Variants in ZNF146 observed in about 807,000 individuals in gnomAD.
ZNF146 encodes the protein zinc finger protein 146.
Under a neutral mutation model 22.2 loss-of-function variants are expected in ZNF146, and 9 were observed. The observed-to-expected ratio is 0.41, with a 90% confidence interval of 0.24 to 0.71. The LOEUF (loss-of-function observed/expected upper bound fraction) is 0.71, where lower values mean the gene tolerates loss of function less well. Among genes scored for constraint, ZNF146 ranks in the 30% least tolerant of loss-of-function variants. ZNF146 has a pLI of 0.34. For missense variants in ZNF146, 194 were observed against 344.8 expected (o/e 0.56, Z 3.46); for synonymous variants, 108 against 119.2 (o/e 0.91, Z 0.61).
chr19:36,236,556 CGA>C lies in ZNF146; in HGVS notation c.123_124del (p.Lys42ThrfsTer3). 1.2e-6 allele frequency: 2 copies of C among 1,614,068 alleles called. No homozygotes were observed. Among genetic ancestry groups the C allele is most frequent in the Non-Finnish European group, 1.7e-6 (2 of 1,180,000 alleles). On this transcript the variant is annotated frameshift_variant, in exon 4 of 4. Transcript: ENST00000443387. LOFTEE classifies it high-confidence loss of function. ...CTCACTGAGCATGAGCATTTTCACA[CGA>C]GAGAGAAACCTTTTGAATGTAACGA...
chr19:36,231,234 T>C (rs1345051107), intron 3 of ZNF146, among the ~76,000 whole-genome samples: 1 of 152,016 alleles, frequency 6.6e-6, no homozygotes, highest in Non-Finnish European at 1.5e-5. Flanking sequence ...TTTTGAGACA[T>C]AGTTTCACTC....
upstream of ZNF146, chr19:36,214,927 C>T (rs986006241): frequency 6.5e-6 from 1 of 152,716 alleles, no homozygotes; most frequent in African/African-American, 2.4e-5. Context: ...CGGCCAAGTT[C>T]GCGGGGGGAG....
chr19:36,221,764 C>T (rs796735732), intron 2 of ZNF146, among the ~76,000 whole-genome samples: 2 of 151,602 alleles, frequency 1.3e-5, no homozygotes, highest in African/African-American at 4.8e-5. Context: ...CTTGTTTATC[C>T]TTCAAGTGGG....
chr19:36,233,516 C>T (rs1298921193), intron 3 of ZNF146, among the ~76,000 whole-genome samples: 3 of 152,036 alleles, frequency 2.0e-5, no homozygotes, highest in Non-Finnish European at 4.4e-5. Context: ...CTCAAGAGGA[C>T]CGGCCTCTTG....
chr19:36,225,686 C>G (rs1249556924), intron 2 of ZNF146, among the ~76,000 whole-genome samples: 1 of 151,644 alleles, frequency 6.6e-6, no homozygotes, highest in East Asian at 1.9e-4. Context: ...AGTCTACCCA[C>G]CTCAGTGTCT....
At chr19:36,232,326 C>T (rs985136540) in intron 3 of ZNF146, among the ~76,000 whole-genome samples, 4 of 151,700 alleles carry the variant, frequency 2.6e-5, no homozygotes, top group African/African-American at 4.8e-5. Flanking sequence ...CTTATATAAA[C>T]TTGAATTCAG....
At chr19:36,225,632 T>C (rs570476087) in intron 2 of ZNF146, among the ~76,000 whole-genome samples, 1 of 152,042 alleles carries the variant, frequency 6.6e-6, no homozygotes, top group East Asian at 1.9e-4. Context: ...TTTGTATTTT[T>C]TTTTAGTGCT....
At chr19:36,219,750 G>A (rs141387530) in intron 2 of ZNF146, among the ~76,000 whole-genome samples, 45 of 152,122 alleles carry the variant, frequency 3.0e-4, no homozygotes, top group African/African-American at 8.4e-4. Flanking sequence ...GTAAAGTGAT[G>A]ATTTTCTGTT....
intron 3 of ZNF146, among the ~76,000 whole-genome samples, chr19:36,229,532 C>T (rs1049598245): frequency 2.0e-5 from 3 of 152,058 alleles, no homozygotes; most frequent in African/African-American, 7.2e-5. Flanking sequence ...GTTGTGGTCA[C>T]GTTTACGCGT....
chr19:36,235,136 G>A (rs1353884307), intron 3 of ZNF146, among the ~76,000 whole-genome samples: 1 of 151,436 alleles, frequency 6.6e-6, no homozygotes, highest in African/African-American at 2.4e-5. Context: ...TTGAACCCAG[G>A]AGGCGGAGGC....
Position 36,236,397 on chromosome 19 carries a change from T to C in ZNF146, c.-44T>C. Reference sequence around the variant, plus strand: ...TAAATCCTCACTCATCAAGAAATTTTTACTGGAGAGAAACCTTGTGAATGT... The same window carrying C: ...TAAATCCTCACTCATCAAGAAATTTCTACTGGAGAGAAACCTTGTGAATGT... On this transcript the variant is annotated 5_prime_UTR_variant, in exon 4 of 4. Coordinates refer to ENST00000443387, the MANE Select transcript of ZNF146 (RefSeq NM_007145.3). 1 of 1,543,894 alleles carries C rather than the reference T, an allele frequency of 6.5e-7. No individual in the cohort carries two copies. The highest frequency in any genetic ancestry group is 8.7e-7 in the Non-Finnish European group (1 of 1,150,752).
rs1348566737 is a variant in ZNF146 at position 36,237,368 on chromosome 19, C to T, written c.*49C>T. ...TGGGAAAGCTTTCATTAGAAATTTG[C>T]ACCTCATCATGCCCCAGAAATAATC... is the stretch of plus-strand genomic sequence containing the variant. On this transcript the variant is annotated 3_prime_UTR_variant, in exon 4 of 4. Transcript: ENST00000443387. 9 of 1,540,040 alleles carry T rather than the reference C, an allele frequency of 5.8e-6. No individual in the cohort carries two copies. The highest frequency in any genetic ancestry group is 7.9e-6 in the Non-Finnish European group (9 of 1,145,668).
intron 1 of ZNF146, among the ~76,000 whole-genome samples, chr19:36,217,188 G>A (rs890032175): frequency 1.3e-4 from 11 of 84,286 alleles, no homozygotes; most frequent in African/African-American, 5.7e-4. Flanking sequence ...TCAGCCTCCC[G>A]AGTAGCTGGG....
intron 2 of ZNF146, among the ~76,000 whole-genome samples, chr19:36,225,657 T>G (rs374931995): frequency 7.9e-5 from 12 of 151,904 alleles, no homozygotes; most frequent in East Asian, 5.8e-4. Flanking sequence ...ACGCTGGTCT[T>G]GAACTCCTGG....
intron 2 of ZNF146, among the ~76,000 whole-genome samples, chr19:36,223,657 G>A (rs1386775675): frequency 8.0e-5 from 11 of 136,814 alleles, no homozygotes; most frequent in African/African-American, 2.8e-4. Flanking sequence ...GCCACCGCGC[G>A]TGGCTGATTC....
At position 36,220,371 on chromosome 19, in the gene ZNF146, TA is replaced by T. The variant is rs1568429124; in HGVS notation, c.-855+2177del. On this transcript the variant is annotated intron_variant, in intron 2 of 3. Transcript: ENST00000443387. ...CTAGTTCTTTTTTTTAATTTAATTT[TA>T]TTTTATTTTTGAGACGGAGTCTTGC... 1.8e-4 allele frequency among the ~76,000 whole-genome samples: 26 copies of T among 145,552 alleles called. 2 individuals are homozygous for T. The highest frequency in any genetic ancestry group is 3.1e-4 in the Non-Finnish European group (20 of 65,416).
chr19:36,222,660 GTATT>G (rs1387477096), intron 2 of ZNF146, among the ~76,000 whole-genome samples: 3 of 151,606 alleles, frequency 2.0e-5, no homozygotes, highest in African/African-American at 7.3e-5. Context: ...AGGCCTGTAT[GTATT>G]AATCTAGGAA....
chr19:36,220,772 C>G (rs766750035), intron 2 of ZNF146, among the ~76,000 whole-genome samples: 1 of 151,884 alleles, frequency 6.6e-6, no homozygotes, highest in Non-Finnish European at 1.5e-5. Flanking sequence ...AATGCTGATA[C>G]TAGTAGTAAC....
Position 36,236,077 on chromosome 19 carries a change from T to A in ZNF146, c.-364T>A. The A allele has an allele frequency of 5.2e-6, 1 of 193,452 alleles. No individual in the cohort carries two copies. The highest frequency in any genetic ancestry group is 5.6e-5 in the Admixed American group (1 of 18,010). The allele number at this position is 193,452 out of a possible 1,614,324, so 12.0% of individuals were successfully genotyped here. A position where few individuals can be genotyped will look rare whatever the true frequency, so the allele number is the denominator to read the frequency against. On this transcript the variant is annotated 5_prime_UTR_variant, in exon 4 of 4. Transcript: ENST00000443387. Reference sequence around the variant, plus strand: ...GGGGAACTGTTACTCATATGTTGCATTTCGTCGAACGTGCAAGTCATGCTG... The same window carrying A: ...GGGGAACTGTTACTCATATGTTGCAATTCGTCGAACGTGCAAGTCATGCTG...
Sources: allele counts gnomAD v4.1 joint callset (sites outside exome capture counted in the v4.1 genomes callset), GRCh38; gene constraint gnomAD v4.1.1; transcripts MANE v1.5; gene names NCBI Gene and HGNC (gene_info 2026-07-23, HGNC 2026-07-21).